ADGRL2: variants seen among roughly 807,000 people sequenced by gnomAD.
The protein encoded by ADGRL2 is calcium-independent alpha-latrotoxin receptor 2.
ADGRL2 carries 44 observed loss-of-function variants against 157.4 expected under a neutral mutation model. That is an observed-to-expected ratio of 0.28 (90% CI 0.22 to 0.36). ADGRL2 has a LOEUF of 0.36. Among genes scored for constraint, ADGRL2 ranks in the 10% least tolerant of loss-of-function variants. ADGRL2 has a pLI of 1.00. For synonymous variants in ADGRL2, 585 were observed against 624.7 expected (o/e 0.94, Z 0.95); for missense variants, 1,510 against 1,768.9 (o/e 0.85, Z 2.63).
intron 1 of ADGRL2, among the ~76,000 whole-genome samples, chr1:81,746,763 T>C (rs1312024869): frequency 5.3e-5 from 8 of 151,744 alleles, no homozygotes; most frequent in African/African-American, 1.7e-4. Flanking sequence ...TTTAAAATAA[T>C]TTAAATAACA....
At position 81,834,539 on chromosome 1, in the gene ADGRL2, A is replaced by G. The variant is rs12023554; in HGVS notation, c.-100-2346A>G. ...TTGTTAGGTATTTCAACTTTCATTA[A>G]CATTTGTTTAATGGAAGGTTGTTTA... On this transcript the variant is annotated intron_variant, in intron 1 of 23. Transcript: ENST00000686636. Among the ~76,000 whole-genome samples the G allele has an allele frequency of 0.01, 1,565 of 152,264 alleles. 100 individuals are homozygous for G. The East Asian group carries it at 0.18, about 18-fold the overall frequency.
intron 3 of ADGRL2, among the ~76,000 whole-genome samples, chr1:81,608,462 A>T (rs2081477278): frequency 6.6e-6 from 1 of 152,222 alleles, no homozygotes; most frequent in Admixed American, 6.6e-5. Flanking sequence ...TAAACATCAC[A>T]GGGAAAAAGA....
At chr1:81,707,654 T>C (rs1310024014) in intron 1 of ADGRL2, among the ~76,000 whole-genome samples, 1 of 152,156 alleles carries the variant, frequency 6.6e-6, no homozygotes, top group African/African-American at 2.4e-5. Context: ...TTATTGTTGT[T>C]GTTGTTGTTG....
chr1:81,961,403 G>A (rs893281862), intron 11 of ADGRL2, among the ~76,000 whole-genome samples: 4 of 151,874 alleles, frequency 2.6e-5, no homozygotes, highest in Non-Finnish European at 5.9e-5. Context: ...TTATTACTTA[G>A]CATTAATAAG....
chr1:81,706,280 A>C (rs1447837260), intron 1 of ADGRL2, among the ~76,000 whole-genome samples: 2 of 152,198 alleles, frequency 1.3e-5, no homozygotes, highest in Non-Finnish European at 2.9e-5. Flanking sequence ...AATGGTCAAG[A>C]AACCTTAGAG....
intron 1 of ADGRL2, among the ~76,000 whole-genome samples, chr1:81,377,366 G>A (rs78647941): frequency 0.038 from 5,787 of 151,888 alleles, 237 homozygotes; most frequent in East Asian, 0.19. Flanking sequence ...ATCAATTCTC[G>A]GTAAATGGTA....
intron 2 of ADGRL2, among the ~76,000 whole-genome samples, chr1:81,555,282 T>C (rs1404257724): frequency 6.6e-6 from 1 of 150,788 alleles, no homozygotes; most frequent in African/African-American, 2.4e-5. Context: ...TTTTTTTTTT[T>C]TTGAGATGGA....
At chr1:81,329,222 G>A (rs573157203) in intron 1 of ADGRL2, among the ~76,000 whole-genome samples, 1 of 152,058 alleles carries the variant, frequency 6.6e-6, no homozygotes, top group South Asian at 2.1e-4. Context: ...CCAAACAATA[G>A]GAAGGGCAAG....
intron 6 of ADGRL2, 112 bp from the exon 7 acceptor site, chr1:81,950,077 C>A: frequency 1.2e-6 from 1 of 825,740 alleles, no homozygotes; most frequent in Non-Finnish European, 2.0e-6. Flanking sequence ...TGTGGGCAGA[C>A]AGATGGGTAG....
intron 3 of ADGRL2, among the ~76,000 whole-genome samples, chr1:81,674,725 G>A (rs560039517): frequency 6.6e-6 from 1 of 152,244 alleles, no homozygotes; most frequent in East Asian, 1.9e-4. Flanking sequence ...ACAATGGAAA[G>A]ATACCAAGTT....
At chr1:81,841,784 T>G (rs1262491984) in intron 2 of ADGRL2, among the ~76,000 whole-genome samples, 2 of 152,194 alleles carry the variant, frequency 1.3e-5, no homozygotes, top group Non-Finnish European at 2.9e-5. Context: ...ATGCCTGGCT[T>G]ATACTAAGCA....
chr1:81,985,423 A>G (rs1662869055), intron 21 of ADGRL2, 68 bp downstream of exon 21: 1 of 770,124 alleles, frequency 1.3e-6, no homozygotes, highest in African/African-American at 1.8e-5. Flanking sequence ...TTTATTCAAT[A>G]ATGTAATGTA....
At chr1:81,990,303 C>T (rs193053469) in intron 23 of ADGRL2, 88 bp from the exon 24 acceptor site, 423 of 1,524,472 alleles carry the variant, frequency 2.8e-4, no homozygotes, top group African/African-American at 8.9e-4. Flanking sequence ...TTGTCCTGAA[C>T]GACATTAAAA....
chr1:81,397,313 C>CT (rs59449077), intron 1 of ADGRL2, among the ~76,000 whole-genome samples: 2,066 of 53,560 alleles, frequency 0.039, 165 homozygotes, highest in African/African-American at 0.095. Context: ...ATAATGTCTC[C>CT]TTTTTTTTTT....
intron 2 of ADGRL2, among the ~76,000 whole-genome samples, chr1:81,459,585 C>A (rs1272060280): frequency 6.6e-6 from 1 of 152,072 alleles, no homozygotes; most frequent in Non-Finnish European, 1.5e-5. Context: ...TATGGGCATT[C>A]AGATTGTTTC....
At chr1:81,794,759 T>C (rs535043277) in intron 2 of ADGRL2, among the ~76,000 whole-genome samples, 26 of 152,322 alleles carry the variant, frequency 1.7e-4, no homozygotes, top group Non-Finnish European at 3.2e-4. Context: ...TAAGAATGCA[T>C]TGTAAAGAGT....
At chr1:81,551,389 T>C (rs1173910150) in intron 2 of ADGRL2, among the ~76,000 whole-genome samples, 3 of 152,164 alleles carry the variant, frequency 2.0e-5, no homozygotes, top group African/African-American at 4.8e-5. Context: ...TTATTATACT[T>C]TGATTTGTAC....
At chr1:81,888,633 G>T (rs986283694) in intron 2 of ADGRL2, among the ~76,000 whole-genome samples, 2 of 151,862 alleles carry the variant, frequency 1.3e-5, no homozygotes, top group African/African-American at 4.8e-5. Flanking sequence ...TAGTAGAGAC[G>T]GGGTTTCACC....
intron 2 of ADGRL2, among the ~76,000 whole-genome samples, chr1:81,562,117 T>G (rs2080456916): frequency 6.6e-6 from 1 of 152,178 alleles, no homozygotes; most frequent in Admixed American, 6.5e-5. Flanking sequence ...TACATAGTTC[T>G]GGTTGCAAGG....
Sources: gnomAD v4.1 joint callset for allele counts (sites outside exome capture counted in the v4.1 genomes callset) on GRCh38, gnomAD v4.1.1 for gene constraint, MANE v1.5 for transcripts, NCBI Gene and HGNC (gene_info 2026-07-23, HGNC 2026-07-21) for gene names.